Variants in HPS4 observed in about 807,000 individuals in gnomAD.
HPS4 encodes the protein BLOC-3 complex member HPS4.
A neutral mutation model predicts 70.3 loss-of-function variants in HPS4; 44 were observed. The observed-to-expected ratio is 0.63, with a 90% CI of 0.49 to 0.80. The LOEUF (loss-of-function observed/expected upper bound fraction) is 0.80. Among genes scored for constraint, HPS4 ranks in the 30% least tolerant of loss-of-function variants. The pLI, the probability that HPS4 is intolerant of heterozygous loss-of-function variation, is 0.00. For synonymous variants in HPS4, 377 were observed against 355.9 expected, an observed-to-expected ratio of 1.06 and a Z score of -0.67; for missense variants, 873 against 884.4, an observed-to-expected ratio of 0.99 and a Z score of 0.16.
Position 26,464,184 on chromosome 22 carries a change from C to T in HPS4, c.1446G>A (p.Lys482=). The T allele has an allele frequency of 6.2e-7, 1 of 1,614,234 alleles. No homozygotes were observed. The highest frequency in any genetic ancestry group is 8.5e-7 in the Non-Finnish European group (1 of 1,180,052). ...CCAGGCCTTGTTCCCCCGTGGGAAG[C>T]TTGTTTCCTCTCTGTCCTGGATCTA... is the stretch of plus-strand genomic sequence containing the variant. ...PRLDPGQRGN[K]LPTGEQGLDE... The change falls in exon 11 of 14, where the codon AAG becomes AAA. Residue 482 remains lysine (K), a synonymous_variant. Coordinates refer to ENST00000398145, the MANE Select transcript of HPS4 (RefSeq NM_022081.6).
At position 26,464,000 on chromosome 22, in the gene HPS4, A is replaced by G; in HGVS notation, c.1630T>C (p.Tyr544His). The change falls in exon 11 of 14, where the codon TAC (tyrosine) becomes CAC (histidine). Residue 544 changes from tyrosine (Y) to histidine (H), a missense_variant. Coordinates refer to ENST00000398145, the MANE Select transcript of HPS4 (RefSeq NM_022081.6). The part of the protein sequence containing the change: ...SCMGLVRMNL[Y>H]THCVKGLVLS... The stretch of plus-strand genomic sequence containing the variant: ...ACCAGCCCTTTGACGCAGTGAGTGT[A>G]GAGATTCATCCTCACGAGCCCCATG... 1 of 1,614,048 alleles carries G rather than the reference A, an allele frequency of 6.2e-7. No individual in the cohort carries two copies. The highest frequency in any genetic ancestry group is 1.3e-5 in the African/African-American group (1 of 75,076).
At chr22:26,463,805 A>G in intron 11 of HPS4, 112 bp downstream of exon 11, 1 of 1,164,860 alleles carries the variant, frequency 8.6e-7, no homozygotes, top group Non-Finnish European at 1.2e-6. Context: ...GGGTCACACA[A>G]CTGAGGGCTG....
At chr22:26,462,045 G>C (rs937353627) in intron 11 of HPS4, among the ~76,000 whole-genome samples, 12 of 151,358 alleles carry the variant, frequency 7.9e-5, no homozygotes, top group African/African-American at 2.9e-4. Flanking sequence ...AGAACCGCTT[G>C]AACCGGGGAG....
chr22:26,455,594 AG>A (rs1462785453), intron 13 of HPS4, among the ~76,000 whole-genome samples: 1 of 71,748 alleles, frequency 1.4e-5, no homozygotes, highest in Non-Finnish European at 2.5e-5. Context: ...GGGTGGGGGG[AG>A]GGGGGAGGGA....
At chr22:26,445,276 G>C (rs1490180147) in intron 3 of HPS4, among the ~76,000 whole-genome samples, 1 of 152,170 alleles carries the variant, frequency 6.6e-6, no homozygotes, top group Non-Finnish European at 1.5e-5. Context: ...GGGGGCTGCA[G>C]TGAGCCTAGG....
chr22:26,464,234 G>A lies in HPS4; in HGVS notation c.1396C>T (p.Arg466Cys), dbSNP rs147435410. 3,595 of 1,614,194 alleles carry A rather than the reference G, an allele frequency of 2.2e-3. 5 individuals carry two copies. Among genetic ancestry groups the A allele is most frequent in the Non-Finnish European group, 2.8e-3 (3,258 of 1,180,030 alleles). ...AAGCGAGGCAATAACAAGGGCCTGC[G>A]GGTCCTTCTGGGGAGAGGGTCTGCT... ...PRADPLPRRT[R>C]RPLLLPRLDP... The change falls in exon 11 of 14, where the codon CGC (arginine) becomes TGC (cysteine). Residue 466 changes from arginine to cysteine, a missense_variant. Coordinates refer to ENST00000398145, the MANE Select transcript of HPS4 (RefSeq NM_022081.6).
chr22:26,448,866 G>A (rs2085042647), downstream of HPS4, among the ~76,000 whole-genome samples: 1 of 152,302 alleles, frequency 6.6e-6, no homozygotes, highest in East Asian at 1.9e-4. Flanking sequence ...CTAGGATGCT[G>A]AGAGTGGGTC....
At position 26,464,666 on chromosome 22, in the gene HPS4, T is replaced by A. The variant is rs1040644043; in HGVS notation, c.964A>T (p.Arg322Trp). The A allele has an allele frequency of 1.2e-6, 2 of 1,612,120 alleles. No homozygotes were observed. Among genetic ancestry groups the A allele is most frequent in the South Asian group, 2.2e-5 (2 of 91,074 alleles). ...TSPDEACPDG[R>W]KENGCLSGHD... ...CCAGACAAGCATCCGTTCTCCTTCCTGCCATCTGGACAAGCTTCGTCAGGG... is the reference window on the plus strand; with the variant it reads ...CCAGACAAGCATCCGTTCTCCTTCCAGCCATCTGGACAAGCTTCGTCAGGG... Residue 322 changes from arginine to tryptophan, a missense_variant, in exon 11 of 14, where the codon AGG (arginine) becomes TGG (tryptophan). Transcript: ENST00000398145.
chr22:26,472,239 TA>T (rs1049934488), intron 6 of HPS4, 62 bp downstream of exon 6: 5 of 1,034,736 alleles, frequency 4.8e-6, no homozygotes, highest in Non-Finnish European at 7.7e-6. Context: ...TCAGGAATAT[TA>T]AAAAAGTATC....
At chr22:26,469,775 G>A (rs200514365) in intron 7 of HPS4, among the ~76,000 whole-genome samples, 322 of 152,180 alleles carry the variant, frequency 2.1e-3, no homozygotes, top group Non-Finnish European at 2.8e-3. Context: ...TGTCTTTGGT[G>A]GGTATGTCAC....
chr22:26,472,446 ATC>A (rs1412052965), intron 5 of HPS4, 28 bp from the exon 6 acceptor site: 1 of 1,386,228 alleles, frequency 7.2e-7, no homozygotes, highest in Non-Finnish European at 1.0e-6. Context: ...TCAGGTCAAT[ATC>A]TGAGATTTTG....
intron 2 of HPS4, 54 bp from the exon 3 acceptor site, chr22:26,479,409 T>C (rs760020783): frequency 6.2e-7 from 1 of 1,600,334 alleles, no homozygotes; most frequent in Non-Finnish European, 8.5e-7. Flanking sequence ...GATCACGGCA[T>C]TTAAAACACA....
In HPS4 at chr22:26,469,753, G is replaced by GA. The variant is rs563872236; in HGVS notation, c.596+965dup. On this transcript the variant is annotated intron_variant, in intron 7 of 13. Coordinates refer to ENST00000398145, the MANE Select transcript of HPS4 (RefSeq NM_022081.6). The stretch of plus-strand genomic sequence containing the variant: ...TAAGAAATGCAAAATGAGAAAAGGG[G>GA]AAAAAAAATACTGTCTTTGGTGGGT... 8.0e-5 allele frequency among the ~76,000 whole-genome samples: 12 copies of GA among 149,922 alleles called. No homozygotes were observed. In the East Asian group the frequency reaches 2.3e-3, roughly 29 times the overall value.
intron 4 of HPS4, 166 bp downstream of exon 4, chr22:26,476,827 A>C (rs1164694509): frequency 1.4e-6 from 1 of 707,450 alleles, no homozygotes; most frequent in Non-Finnish European, 2.4e-6. Flanking sequence ...GCACTTGATG[A>C]TGAAAACCTG....
At chr22:26,449,214 C>T (rs1016495889), downstream of HPS4, among the ~76,000 whole-genome samples, 2 of 152,136 alleles carry the variant, frequency 1.3e-5, no homozygotes, top group African/African-American at 4.8e-5. Context: ...ATTCCACTTC[C>T]CACCTGGACA....
rs755055492 is a variant in HPS4 at position 26,463,872 on chromosome 22, C to T, written c.1713+45G>A. The T allele has an allele frequency of 5.7e-6, 9 of 1,592,252 alleles. No homozygotes were observed. In the East Asian group the frequency reaches 6.7e-5, roughly 12 times the overall value. On this transcript the variant is annotated intron_variant, in intron 11 of 13. Coordinates refer to ENST00000398145, the MANE Select transcript of HPS4 (RefSeq NM_022081.6). ...GTGCTGTGAGGGAAGCACAGGAGAT[C>T]GGCAGAGGCCGCAGAGGGGCAGGAG...
chr22:26,448,960 C>T (rs963097065), downstream of HPS4, among the ~76,000 whole-genome samples: 8 of 152,200 alleles, frequency 5.3e-5, no homozygotes, highest in African/African-American at 1.9e-4. Flanking sequence ...AGTGCTTTCC[C>T]ACACCCACTG....
downstream of HPS4, among the ~76,000 whole-genome samples, chr22:26,446,910 TAGAG>T (rs143429282): frequency 1.3e-3 from 205 of 152,228 alleles, 1 homozygote; most frequent in East Asian, 0.037. Flanking sequence ...GTATTTTTAG[TAGAG>T]ACAGTTTCAC....
At chr22:26,466,960 A>T (rs2088761656) in intron 8 of HPS4, 1 of 152,940 alleles carries the variant, frequency 6.5e-6, no homozygotes, top group Non-Finnish European at 1.5e-5. Flanking sequence ...ACTAAGCCTA[A>T]CCTCAATTTA....
Sources: allele counts gnomAD v4.1 joint callset (sites outside exome capture counted in the v4.1 genomes callset), GRCh38; gene constraint gnomAD v4.1.1; transcripts MANE v1.5; gene names NCBI Gene and HGNC (gene_info 2026-07-23, HGNC 2026-07-21).